Variants in UNC13C observed in about 807,000 individuals in gnomAD.
UNC13C encodes protein unc-13 homolog C.
In UNC13C, 174 loss-of-function variants were observed where a neutral mutation model predicts 245.4. The ratio of observed to expected loss-of-function variants is 0.71; its 90% confidence interval spans 0.63 to 0.80. The LOEUF is 0.80. UNC13C is among the 30% of genes least tolerant of loss of function. The probability of loss-of-function intolerance (pLI) is 0.00; values close to 1 mark genes in which losing one functional copy is unlikely to be tolerated. For missense variants in UNC13C, 2,829 were observed against 2,602.9 expected (o/e 1.09, Z -1.89); for synonymous variants, 992 against 895.1 (o/e 1.11, Z -1.93).
chr15:54,014,582 A>G lies in UNC13C; in HGVS notation c.1679A>G (p.Tyr560Cys). Reference sequence around the variant, plus strand: ...GATTTTTCCAAATTGTGTCAGTCTTACTCAGAAGATTTTTCAGAAAATCAG... The same window carrying G: ...GATTTTTCCAAATTGTGTCAGTCTTGCTCAGAAGATTTTTCAGAAAATCAG... Reference protein sequence around the residue: ...ESDFSKLCQSYSEDFSENQFF... With the variant: ...ESDFSKLCQSCSEDFSENQFF... The change falls in exon 2 of 33, where the codon TAC (tyrosine) becomes TGC (cysteine). Residue 560 changes from tyrosine to cysteine, a missense_variant. Tyr to Cys is a radical substitution (Grantham distance 194). Coordinates refer to ENST00000260323, the MANE Select transcript of UNC13C (RefSeq NM_001080534.3). 1 of 1,613,720 alleles carries G rather than the reference A, an allele frequency of 6.2e-7. No homozygotes were observed. The highest frequency in any genetic ancestry group is 8.5e-7 in the Non-Finnish European group (1 of 1,179,808).
chr15:54,311,550 T>C (rs1461843782), intron 13 of UNC13C, among the ~76,000 whole-genome samples: 3 of 151,868 alleles, frequency 2.0e-5, no homozygotes, highest in East Asian at 1.9e-4. Flanking sequence ...TTAGCCTTTT[T>C]TGATTTTCAC....
chr15:54,483,854 A>G (rs1464907185), intron 19 of UNC13C, among the ~76,000 whole-genome samples: 1 of 152,184 alleles, frequency 6.6e-6, no homozygotes, highest in African/African-American at 2.4e-5. Context: ...GCAAAATGCC[A>G]CTGGCATTTC....
At chr15:54,475,534 A>G (rs1022122147) in intron 19 of UNC13C, among the ~76,000 whole-genome samples, 35 of 149,172 alleles carry the variant, frequency 2.3e-4, no homozygotes, top group Non-Finnish European at 1.2e-4. Context: ...TTCAATTCCC[A>G]TCTATGAGTG....
chr15:53,983,936 C>T (rs1017851689), intron 1 of UNC13C, among the ~76,000 whole-genome samples: 3 of 152,074 alleles, frequency 2.0e-5, no homozygotes, highest in Non-Finnish European at 2.9e-5. Context: ...CTCTTTAACA[C>T]TTGGTCTCCA....
chr15:54,060,950 C>G (rs1296854122), intron 2 of UNC13C, among the ~76,000 whole-genome samples: 2 of 151,870 alleles, frequency 1.3e-5, no homozygotes, highest in African/African-American at 4.8e-5. Context: ...GGGAACATCA[C>G]ACACCGGGGA....
intron 17 of UNC13C, among the ~76,000 whole-genome samples, chr15:54,383,485 C>T (rs894236269): frequency 9.2e-5 from 14 of 151,888 alleles, no homozygotes; most frequent in East Asian, 7.7e-4. Flanking sequence ...TTTATAACAA[C>T]GGTGAGCAAA....
At chr15:54,485,469 C>G (rs1157578577) in intron 19 of UNC13C, among the ~76,000 whole-genome samples, 1 of 152,348 alleles carries the variant, frequency 6.6e-6, no homozygotes, top group East Asian at 1.9e-4. Context: ...ACTGCTACCA[C>G]CCAAGTGTCC....
At chr15:53,925,649 C>T in the UNC13C span, among the ~76,000 whole-genome samples, 9 of 152,130 alleles carry the variant, frequency 5.9e-5, no homozygotes, top group Non-Finnish European at 1.2e-4. Flanking sequence ...TAGCTCTCCC[C>T]GTAAAATGAC....
At chr15:54,357,885 A>T (rs1355429260) in intron 17 of UNC13C, among the ~76,000 whole-genome samples, 1 of 151,866 alleles carries the variant, frequency 6.6e-6, no homozygotes, top group Non-Finnish European at 1.5e-5. Context: ...CCATTATTTT[A>T]TATGTGTTTG....
chr15:54,288,905 C>T (rs2037218870), intron 10 of UNC13C, among the ~76,000 whole-genome samples: 1 of 152,056 alleles, frequency 6.6e-6, no homozygotes, highest in Non-Finnish European at 1.5e-5. Context: ...AGCCTCAGTT[C>T]CTGAAAAATA....
chr15:54,076,773 C>T (rs1898651305), intron 2 of UNC13C, among the ~76,000 whole-genome samples: 1 of 152,102 alleles, frequency 6.6e-6, no homozygotes, highest in African/African-American at 2.4e-5. Context: ...AGGTCAGATC[C>T]CTGTGGGAGT....
intron 10 of UNC13C, among the ~76,000 whole-genome samples, chr15:54,288,577 A>G (rs1204460323): frequency 6.6e-6 from 1 of 152,020 alleles, no homozygotes; most frequent in East Asian, 1.9e-4. Context: ...AATGTGAGAC[A>G]CATTGGCTAA....
At position 54,015,625 on chromosome 15, in the gene UNC13C, C is replaced by G. The variant is rs759613554; in HGVS notation, c.2722C>G (p.Leu908Val). ...TDEQMQAYDH[L>V]SYETPYETPQ... ...TGAACAAATGCAAGCATATGATCACCTTTCATATGAAACACCTTATGAAAC... is the reference window on the plus strand; with the variant it reads ...TGAACAAATGCAAGCATATGATCACGTTTCATATGAAACACCTTATGAAAC... The change falls in exon 2 of 33, where the codon CTT becomes GTT. Residue 908 changes from leucine to valine, a missense_variant. Physicochemically the swap from Leu to Val is conservative, Grantham distance 32. Coordinates refer to ENST00000260323, the MANE Select transcript of UNC13C (RefSeq NM_001080534.3). The G allele has an allele frequency of 3.7e-6, 6 of 1,613,686 alleles. No individual in the cohort carries two copies. In the South Asian group the frequency reaches 6.6e-5, roughly 18 times the overall value.
At chr15:54,611,317 C>A (rs1010014492) in intron 30 of UNC13C, among the ~76,000 whole-genome samples, 1 of 151,930 alleles carries the variant, frequency 6.6e-6, no homozygotes, top group East Asian at 1.9e-4. Flanking sequence ...AGCAAGAGCC[C>A]TTGGGTTTAG....
At chr15:53,871,437 C>G in the UNC13C span, among the ~76,000 whole-genome samples, 98 of 152,334 alleles carry the variant, frequency 6.4e-4, no homozygotes, top group Non-Finnish European at 8.8e-5. Context: ...TCTAAGCTGG[C>G]TGATCACTTC....
the UNC13C span, among the ~76,000 whole-genome samples, chr15:53,922,469 A>G: frequency 6.6e-6 from 1 of 152,218 alleles, no homozygotes; most frequent in Admixed American, 6.5e-5. Flanking sequence ...ATTCAAGACC[A>G]CTTAACAAGA....
intron 2 of UNC13C, among the ~76,000 whole-genome samples, chr15:54,131,064 C>T (rs115578173): frequency 6.6e-6 from 1 of 152,272 alleles, no homozygotes; most frequent in African/African-American, 2.4e-5. Flanking sequence ...TTGATTTTTA[C>T]TGCACTGAAG....
At chr15:54,111,819 C>G (rs945068461) in intron 2 of UNC13C, among the ~76,000 whole-genome samples, 8 of 152,156 alleles carry the variant, frequency 5.3e-5, no homozygotes, top group African/African-American at 1.9e-4. Context: ...AACAGTGAGA[C>G]ATGAAGGGAG....
chr15:54,555,874 GAAT>G (rs1897068212), intron 29 of UNC13C, among the ~76,000 whole-genome samples: 2 of 152,032 alleles, frequency 1.3e-5, no homozygotes, highest in Non-Finnish European at 2.9e-5. Flanking sequence ...GATGCTTTGA[GAAT>G]ATTTTGGGTA....
Sources: gnomAD v4.1 joint callset for allele counts (sites outside exome capture counted in the v4.1 genomes callset) on GRCh38, gnomAD v4.1.1 for gene constraint, MANE v1.5 for transcripts, NCBI Gene and HGNC (gene_info 2026-07-23, HGNC 2026-07-21) for gene names.